PLXNB1: variants seen among roughly 807,000 people sequenced by gnomAD.
The protein encoded by PLXNB1 is plexin B1.
PLXNB1 carries 106 observed loss-of-function variants against 209.4 expected under a neutral mutation model. That is an observed-to-expected ratio of 0.51 (90% CI 0.43 to 0.59). The LOEUF is 0.59. Among genes scored for constraint, PLXNB1 ranks in the 20% least tolerant of loss-of-function variants. The pLI is 0.00. For missense variants in PLXNB1, 2,357 were observed against 2,853.2 expected, an observed-to-expected ratio of 0.83 and a Z score of 3.96; for synonymous variants, 1,167 against 1,183.2, an observed-to-expected ratio of 0.99 and a Z score of 0.28.
intron 21 of PLXNB1, 77 bp downstream of exon 21, chr3:48,414,722 T>G: frequency 6.5e-7 from 1 of 1,542,036 alleles, no homozygotes; most frequent in Non-Finnish European, 8.8e-7. Context: ...TGTCTCGGCC[T>G]CTCCGCCACA....
chr3:48,422,398 G>C lies in PLXNB1; in HGVS notation c.1352C>G (p.Ser451Cys), dbSNP rs756628599. ...AAAGGTGAGGTCTCTGCTCACTGCA[G>C]ACCCCTGCTGGATGCTCTGTGTGGA... ...PYSTQSIQQG[S>C]AVSRDLTFDG... Residue 451 changes from serine to cysteine, a missense_variant, in exon 5 of 38, where the codon TCT (serine) becomes TGT (cysteine). By Grantham distance (112) the Ser-to-Cys change is moderately radical (BLOSUM62 -1). Transcript: ENST00000296440. The C allele has an allele frequency of 1.2e-6, 2 of 1,605,772 alleles. No homozygotes were observed. Among genetic ancestry groups the C allele is most frequent in the Non-Finnish European group, 1.7e-6 (2 of 1,175,834 alleles).
Position 48,420,908 on chromosome 3 carries a change from G to A in PLXNB1, c.1859C>T (p.Ala620Val), listed in dbSNP as rs751688636. 1 of 1,614,128 alleles carries A rather than the reference G, an allele frequency of 6.2e-7. No individual in the cohort carries two copies. Among genetic ancestry groups the A allele is most frequent in the Non-Finnish European group, 8.5e-7 (1 of 1,179,954 alleles). Residue 620 changes from alanine (A) to valine (V), a missense_variant, in exon 9 of 38, where the codon GCC becomes GTC. Around this residue, in one of 7 missense-constraint regions of PLXNB1, gnomAD observed 214 missense variants for 297.1 expected, o/e 0.72. Coordinates refer to ENST00000296440, the MANE Select transcript of PLXNB1 (RefSeq NM_001130082.3). ...GTCATAGAAAGAGAGGGAAGTTTTG[G>A]CGATCACAACAGCGCCAAATCTGAG... The part of the protein sequence containing the change: ...VELRFGAVVI[A>V]KTSLSFYDCV...
chr3:48,423,607 G>A lies in PLXNB1; in HGVS notation c.1005C>T (p.Arg335=), dbSNP rs974988736. 1.9e-6 allele frequency: 3 copies of A among 1,614,220 alleles called. No homozygotes were observed. Among genetic ancestry groups the A allele is most frequent in the Non-Finnish European group, 2.5e-6 (3 of 1,180,032 alleles). ...PLDEVDRLAN[R]TRDACYTREG... ...CCCGGGTGTAGCAGGCATCTCGCGT[G>A]CGATTAGCAAGCCGGTCCACCTCAT... Residue 335 remains arginine, a synonymous_variant, in exon 3 of 38, where the codon CGC becomes CGT. Transcript: ENST00000296440.
In PLXNB1 at chr3:48,410,030, G is replaced by T; in HGVS notation, c.5653C>A (p.His1885Asn). ...DVDEGGIRPW[H>N]LVKPSDEPEP... ...GGCTCATCACTTGGCTTCACCAGGT[G>T]CCAGGGCCGGATGCCCCCCTCATCT... The change falls in exon 32 of 38, where the codon CAC becomes AAC. Residue 1885 changes from histidine to asparagine, a missense_variant. This residue lies in a region of PLXNB1 where 414 missense variants were observed against 520.5 expected (regional missense o/e 0.80). Coordinates refer to ENST00000296440, the MANE Select transcript of PLXNB1 (RefSeq NM_001130082.3). This position sits in a 1 kb window ranked among gnomAD's most constrained non-coding sequence, Gnocchi z 6.4. 1 of 1,611,000 alleles carries T rather than the reference G, an allele frequency of 6.2e-7. No individual in the cohort carries two copies. The highest frequency in any genetic ancestry group is 8.5e-7 in the Non-Finnish European group (1 of 1,178,346).
chr3:48,416,271 T>A lies in PLXNB1; in HGVS notation c.3480+75A>T. ...CAGGACTGGGAGCCCCACCAAGGAATAACCAGATGGGTTGAGAGGAGCCAC... is the reference window on the plus strand; with the variant it reads ...CAGGACTGGGAGCCCCACCAAGGAAAAACCAGATGGGTTGAGAGGAGCCAC... On this transcript the variant is annotated intron_variant, in intron 17 of 37. Coordinates refer to ENST00000296440, the MANE Select transcript of PLXNB1 (RefSeq NM_001130082.3). This position sits in a 1 kb window ranked among gnomAD's most constrained non-coding sequence, Gnocchi z 4.1. The A allele has an allele frequency of 6.4e-7, 1 of 1,556,722 alleles. No individual in the cohort carries two copies. The highest frequency in any genetic ancestry group is 8.8e-7 in the Non-Finnish European group (1 of 1,136,080).
rs529066569 is a variant in PLXNB1 at position 48,419,090 on chromosome 3, G to C, written c.2833-51C>G. The C allele has an allele frequency of 1.4e-4, 223 of 1,603,874 alleles. No individual in the cohort carries two copies. The highest frequency in any genetic ancestry group is 1.8e-4 in the Non-Finnish European group (211 of 1,172,554). On this transcript the variant is annotated intron_variant, in intron 12 of 37. Coordinates refer to ENST00000296440, the MANE Select transcript of PLXNB1 (RefSeq NM_001130082.3). This position sits in a 1 kb window ranked among gnomAD's most constrained non-coding sequence, Gnocchi z 5.7. ...GGCAGCTTCAGGAGCTGGGCCCAGGGAGTCCTGCAGGTCACCCAACAGATC... is the reference window on the plus strand; with the variant it reads ...GGCAGCTTCAGGAGCTGGGCCCAGGCAGTCCTGCAGGTCACCCAACAGATC...
chr3:48,419,757 C>T lies in PLXNB1; in HGVS notation c.2529G>A (p.Thr843=), dbSNP rs752120227. 1.1e-5 allele frequency: 17 copies of T among 1,608,942 alleles called. No individual in the cohort carries two copies. In the African/African-American group the frequency reaches 1.2e-4, roughly 11 times the overall value. ...GSVKPALDWL[T]REGGELPEAD... ...CCTCGGGCAGCTCGCCGCCTTCTCT[C>T]GTGAGCCAGTCCAGGGCGGGCTTCA... Residue 843 remains threonine (T), a synonymous_variant, in exon 11 of 38, where the codon ACG becomes ACA. Transcript: ENST00000296440. This position sits in a 1 kb window ranked among gnomAD's most constrained non-coding sequence, Gnocchi z 5.7.
chr3:48,412,052 A>C (rs200811906), intron 27 of PLXNB1, 43 bp from the exon 28 acceptor site: 19 of 1,607,922 alleles, frequency 1.2e-5, no homozygotes, highest in Non-Finnish European at 3.4e-6. Flanking sequence ...CAGGTGGCAG[A>C]GGTGTATGGG....
chr3:48,408,097 A>C (rs1483894573), intron 34 of PLXNB1, among the ~76,000 whole-genome samples: 3 of 151,934 alleles, frequency 2.0e-5, no homozygotes, highest in Non-Finnish European at 4.4e-5. Context: ...TGCAGCTTCA[A>C]CCTCCCAGGC....
chr3:48,429,582 A>C lies in PLXNB1; in HGVS notation c.-60+426T>G, dbSNP rs571895174. 6.6e-6 allele frequency: 1 copy of C among 151,114 alleles called. No homozygotes were observed. The highest frequency in any genetic ancestry group is 2.1e-4 in the South Asian group (1 of 4,802). The allele number at this position is 151,114 out of a possible 1,614,324, so 9.4% of individuals were successfully genotyped here. ...GGCCCCGAACCGCCCGGGACCCCGC[A>C]TTCCAGCCCCGCGGGCTCCGCATCG... is the stretch of plus-strand genomic sequence containing the variant. On this transcript the variant is annotated intron_variant, in intron 1 of 37. Transcript: ENST00000296440. The surrounding 1 kb of genome is among the most constrained non-coding windows in gnomAD (Gnocchi z 6.4).
At position 48,406,596 on chromosome 3, in the gene PLXNB1, C is replaced by T. The variant is rs1229504636; in HGVS notation, c.6228+227G>A. The T allele has an allele frequency of 1.4e-6, 2 of 1,379,900 alleles. No homozygotes were observed. Among genetic ancestry groups the T allele is most frequent in the Non-Finnish European group, 1.9e-6 (2 of 1,068,644 alleles). 85.5% of individuals were successfully genotyped at this position (1,379,900 alleles called of 1,614,324 possible). A position where few individuals can be genotyped will look rare whatever the true frequency, so the allele number is the denominator to read the frequency against. ...GCAAGAGCCTGGCTGAATCAGGGTA[C>T]ATGGCAGCTGCCAGGACAAGACCCC... On this transcript the variant is annotated intron_variant, in intron 36 of 37. Transcript: ENST00000296440. The surrounding 1 kb of genome is among the most constrained non-coding windows in gnomAD (Gnocchi z 4.4).
In PLXNB1 at chr3:48,417,725, G is replaced by C. The variant is rs2038192078; in HGVS notation, c.3374+186C>G. ...AGGATTCCCCAGCAGCCCAGGCCAGGAACCTACAGGTGTGGTGGGTGCTCA... is the reference window on the plus strand; with the variant it reads ...AGGATTCCCCAGCAGCCCAGGCCAGCAACCTACAGGTGTGGTGGGTGCTCA... On this transcript the variant is annotated intron_variant, in intron 16 of 37. Transcript: ENST00000296440. This position sits in a 1 kb window ranked among gnomAD's most constrained non-coding sequence, Gnocchi z 4.4. Among the ~76,000 whole-genome samples, 1 of 152,216 alleles carries C rather than the reference G, an allele frequency of 6.6e-6. No homozygotes were observed. Among genetic ancestry groups the C allele is most frequent in the African/African-American group, 2.4e-5 (1 of 41,456 alleles).
At position 48,418,778 on chromosome 3, in the gene PLXNB1, G is replaced by A. The variant is rs1423450208; in HGVS notation, c.2955+139C>T. 3.5e-6 allele frequency: 4 copies of A among 1,136,738 alleles called. No homozygotes were observed. Among genetic ancestry groups the A allele is most frequent in the South Asian group, 1.4e-5 (1 of 71,464 alleles). The allele number at this position is 1,136,738 out of a possible 1,614,324, so 70.4% of individuals were successfully genotyped here. On this transcript the variant is annotated intron_variant, in intron 13 of 37. Coordinates refer to ENST00000296440, the MANE Select transcript of PLXNB1 (RefSeq NM_001130082.3). The surrounding 1 kb of genome is among the most constrained non-coding windows in gnomAD (Gnocchi z 6.6). The stretch of plus-strand genomic sequence containing the variant: ...CCACGGGGCACATGGTCAGAGGTCA[G>A]AAATGGGTGTGGAGACTCCCTCAGG...
At position 48,410,618 on chromosome 3, in the gene PLXNB1, C is replaced by A. The variant is rs1197709500; in HGVS notation, c.5417-60G>T. On this transcript the variant is annotated intron_variant, in intron 29 of 37. Transcript: ENST00000296440. This position sits in a 1 kb window ranked among gnomAD's most constrained non-coding sequence, Gnocchi z 6.4. ...GAAGATACCCTTCCCATAGTGGAGC[C>A]CATCTCCTCCTCCACAGGGACACCA... 22 of 1,379,330 alleles carry A rather than the reference C, an allele frequency of 1.6e-5. No individual in the cohort carries two copies. The Middle Eastern group carries it at 1.7e-3, about 107-fold the overall frequency. The allele number at this position is 1,379,330 out of a possible 1,614,324, so 85.4% of individuals were successfully genotyped here. A position where few individuals can be genotyped will look rare whatever the true frequency, so the allele number is the denominator to read the frequency against.
Position 48,419,165 on chromosome 3 carries a change from T to G in PLXNB1, c.2832+79A>C, listed in dbSNP as rs1193483009. The G allele has an allele frequency of 2.0e-5, 31 of 1,555,040 alleles. No individual in the cohort carries two copies. Among genetic ancestry groups the G allele is most frequent in the Non-Finnish European group, 2.6e-5 (30 of 1,145,390 alleles). On this transcript the variant is annotated intron_variant, in intron 12 of 37. Transcript: ENST00000296440. This position sits in a 1 kb window ranked among gnomAD's most constrained non-coding sequence, Gnocchi z 5.7. ...GTTGAGCCCTCGGACTCTGCCCTCC[T>G]CCTGCTCCCCAGGGCTTGTGCAGAG...
rs767108632 is a variant in PLXNB1 at position 48,409,297 on chromosome 3, C to A, written c.6087+32G>T. 1 of 1,520,308 alleles carries A rather than the reference C, an allele frequency of 6.6e-7. No homozygotes were observed. Among genetic ancestry groups the A allele is most frequent in the Non-Finnish European group, 8.9e-7 (1 of 1,129,648 alleles). 94.2% of individuals were successfully genotyped at this position (1,520,308 alleles called of 1,614,324 possible). ...ACACACAGCACTGTCCACCCTCACC[C>A]ATCCCCCCGTGTCCATCCCAGACTC... On this transcript the variant is annotated intron_variant, in intron 34 of 37. Transcript: ENST00000296440. This position sits in a 1 kb window ranked among gnomAD's most constrained non-coding sequence, Gnocchi z 5.8.
In PLXNB1 at chr3:48,423,874, G is replaced by C. The variant is rs1374411331; in HGVS notation, c.738C>G (p.Ala246=). ...DLQAQSRAFR[A]YVSRVCLRDQ... ...CCCGGAGACACACTCGAGATACATAGGCACGAAAAGCTCTAGACTGAGCCT... is the reference window on the plus strand; with the variant it reads ...CCCGGAGACACACTCGAGATACATACGCACGAAAAGCTCTAGACTGAGCCT... The change falls in exon 3 of 38, where the codon GCC becomes GCG. Residue 246 remains alanine, a synonymous_variant. Transcript: ENST00000296440. The C allele has an allele frequency of 6.2e-7, 1 of 1,614,068 alleles. No individual in the cohort carries two copies.
Position 48,423,987 on chromosome 3 carries a change from C to T in PLXNB1, c.625G>A (p.Gly209Ser). The T allele has an allele frequency of 6.2e-7, 1 of 1,613,432 alleles. No homozygotes were observed. Among genetic ancestry groups the T allele is most frequent in the Middle Eastern group, 1.6e-4 (1 of 6,062 alleles). ...TGGTGGCTGTACTCGGAGAGGCGGCCCACTGCCAGCTTGGCTGTCTCCTCA... is the reference window on the plus strand; with the variant it reads ...TGGTGGCTGTACTCGGAGAGGCGGCTCACTGCCAGCTTGGCTGTCTCCTCA... The part of the protein sequence containing the change: ...SYEETAKLAV[G>S]RLSEYSHHFV... Residue 209 changes from glycine to serine, a missense_variant, in exon 3 of 38, where the codon GGC becomes AGC. Around this residue, in one of 7 missense-constraint regions of PLXNB1, gnomAD observed 404 missense variants for 443.6 expected, o/e 0.91. Transcript: ENST00000296440.
At position 48,410,426 on chromosome 3, in the gene PLXNB1, T is replaced by A. The variant is rs774395327; in HGVS notation, c.5520+29A>T. 1.2e-6 allele frequency: 2 copies of A among 1,611,384 alleles called. No individual in the cohort carries two copies. The highest frequency in any genetic ancestry group is 2.2e-5 in the South Asian group (2 of 91,004). ...TCCCTCCACCAGTCCCACCCCACCA[T>A]GCCCTCCTCCAGCTCCCACTCCTCC... On this transcript the variant is annotated intron_variant, in intron 30 of 37. Transcript: ENST00000296440. This position sits in a 1 kb window ranked among gnomAD's most constrained non-coding sequence, Gnocchi z 6.4.
Sources: gnomAD v4.1 joint callset for allele counts (sites outside exome capture counted in the v4.1 genomes callset) on GRCh38, gnomAD v4.1.1 for gene constraint, gnomAD v4.1.1 regional missense constraint, Gnocchi (gnomAD v3.1) non-coding constraint, MANE v1.5 for transcripts, NCBI Gene and HGNC (gene_info 2026-07-23, HGNC 2026-07-21) for gene names.